Variants in TATDN2 observed in about 807,000 individuals in gnomAD.
TATDN2 encodes 3'-5' RNA nuclease TATDN2.
Under a neutral mutation model 60.3 loss-of-function variants are expected in TATDN2, and 44 were observed. That is an observed-to-expected ratio of 0.73 (90% CI 0.57 to 0.94). The LOEUF is 0.94. Ranked by LOEUF, TATDN2 falls within the 40% of genes least tolerant of loss-of-function variation. TATDN2 has a pLI of 0.00. For synonymous variants in TATDN2, 399 were observed against 355.8 expected, an observed-to-expected ratio of 1.12 and a Z score of -1.37; for missense variants, 997 against 948.0, an observed-to-expected ratio of 1.05 and a Z score of -0.68.
intron 3 of TATDN2, among the ~76,000 whole-genome samples, chr3:10,261,621 G>A (rs1363616874): frequency 6.6e-6 from 1 of 152,082 alleles, no homozygotes; most frequent in East Asian, 1.9e-4. Flanking sequence ...ACCTGCCTTG[G>A]CCTCCCAAAG....
chr3:10,255,175 A>C (rs1399962484), intron 2 of TATDN2, among the ~76,000 whole-genome samples: 1 of 151,198 alleles, frequency 6.6e-6, no homozygotes, highest in African/African-American at 2.4e-5. Flanking sequence ...ATGCCCAGCT[A>C]ATTTTTCTGT....
At chr3:10,259,409 C>T (rs1014810657) in intron 2 of TATDN2, among the ~76,000 whole-genome samples, 4 of 152,290 alleles carry the variant, frequency 2.6e-5, no homozygotes, top group African/African-American at 9.6e-5. Context: ...TTCTTACACC[C>T]GGCAGGGATT....
rs2241311 is a variant in TATDN2 at position 10,254,662 on chromosome 3, A to G, written c.414+5048A>G. On this transcript the variant is annotated intron_variant, in intron 2 of 7. Transcript: ENST00000448281. ...AGCTCCTCTGGCACGCTGCAGAGAA[A>G]GGGTAGGAGGGAGAAGACAGGGAGC... is the stretch of plus-strand genomic sequence containing the variant. Among the ~76,000 whole-genome samples, 76 of 152,296 alleles carry G rather than the reference A, an allele frequency of 5.0e-4. 2 individuals are homozygous for G. The East Asian group carries it at 0.014, about 29-fold the overall frequency.
chr3:10,266,634 G>T (rs1024525679), intron 3 of TATDN2, among the ~76,000 whole-genome samples: 14 of 152,208 alleles, frequency 9.2e-5, no homozygotes, highest in African/African-American at 3.4e-4. Flanking sequence ...CTCTGTTGCA[G>T]CTTTTCAACT....
Position 10,278,761 on chromosome 3 carries a change from G to A in TATDN2, c.2146-124G>A. The A allele has an allele frequency of 6.9e-7, 1 of 1,451,676 alleles. No individual in the cohort carries two copies. Among genetic ancestry groups the A allele is most frequent in the South Asian group, 1.2e-5 (1 of 83,944 alleles). 89.9% of individuals were successfully genotyped at this position (1,451,676 alleles called of 1,614,324 possible). On this transcript the variant is annotated intron_variant, in intron 6 of 7. Transcript: ENST00000448281. The surrounding 1 kb of genome is among the most constrained non-coding windows in gnomAD (Gnocchi z 4.7). Reference sequence around the variant, plus strand: ...ACTAGGACTCTCCCTGCACCTGCAGGTAAAGGGGTCTCTACAGGGCAGCCC... The same window carrying A: ...ACTAGGACTCTCCCTGCACCTGCAGATAAAGGGGTCTCTACAGGGCAGCCC...
At chr3:10,263,832 C>T (rs371845929) in intron 3 of TATDN2, among the ~76,000 whole-genome samples, 19 of 152,296 alleles carry the variant, frequency 1.2e-4, no homozygotes, top group Admixed American at 2.6e-4. Context: ...AAGCTCTGAG[C>T]GTAAAGACTT....
chr3:10,270,207 T>A lies in TATDN2; in HGVS notation c.1025T>A (p.Val342Asp). The A allele has an allele frequency of 6.2e-7, 1 of 1,614,176 alleles. No individual in the cohort carries two copies. The change falls in exon 4 of 8, where the codon GTC (valine) becomes GAC (aspartate). Residue 342 changes from valine (V) to aspartate (D), a missense_variant. Val to Asp is a radical substitution (Grantham distance 152, BLOSUM62 -3). Transcript: ENST00000448281. ...DWSDVEEISTVRFSQEEPVSL... is the reference protein window; with the variant it reads ...DWSDVEEISTDRFSQEEPVSL... Reference sequence around the variant, plus strand: ...TCTGATGTTGAGGAGATCTCCACAGTCAGATTCTCTCAGGAGGAACCTGTC... The same window carrying A: ...TCTGATGTTGAGGAGATCTCCACAGACAGATTCTCTCAGGAGGAACCTGTC...
Position 10,270,618 on chromosome 3 carries a change from C to T in TATDN2, c.1436C>T (p.Ser479Phe). The T allele has an allele frequency of 6.2e-7, 1 of 1,614,216 alleles. No homozygotes were observed. The highest frequency in any genetic ancestry group is 8.5e-7 in the Non-Finnish European group (1 of 1,180,040). Reference sequence around the variant, plus strand: ...CCGCGTCCTTGTGGAGGACACGCATCCAGCTCCCTGCCAAAGAGCCACCTG... The same window carrying T: ...CCGCGTCCTTGTGGAGGACACGCATTCAGCTCCCTGCCAAAGAGCCACCTG... ...MPPRPCGGHA[S>F]SSLPKSHLEP... The change falls in exon 4 of 8, where the codon TCC becomes TTC. Residue 479 changes from serine (S) to phenylalanine (F), a missense_variant. Transcript: ENST00000448281.
In TATDN2 at chr3:10,279,043, C is replaced by T. The variant is rs1357930825; in HGVS notation, c.*18C>T. ...GTCTTTAAGCAGAGAAGGTACAGTC[C>T]TCGGGAGTCTCCTAGAAAAGGTCGT... On this transcript the variant is annotated 3_prime_UTR_variant, in exon 7 of 8. Coordinates refer to ENST00000448281, the MANE Select transcript of TATDN2 (RefSeq NM_014760.4). The T allele has an allele frequency of 6.2e-7, 1 of 1,609,604 alleles. No homozygotes were observed. The highest frequency in any genetic ancestry group is 1.7e-5 in the Admixed American group (1 of 58,720).
At chr3:10,251,741 C>T (rs554736722) in intron 2 of TATDN2, among the ~76,000 whole-genome samples, 1 of 152,040 alleles carries the variant, frequency 6.6e-6, no homozygotes, top group African/African-American at 2.4e-5. Flanking sequence ...ATTTCCCAGG[C>T]TGAAGTGCAG....
At chr3:10,262,431 C>T (rs1037931292) in intron 3 of TATDN2, among the ~76,000 whole-genome samples, 1 of 151,734 alleles carries the variant, frequency 6.6e-6, no homozygotes. Context: ...CTTTATTTTA[C>T]CTTTAACCTT....
rs1185675304 is a variant in TATDN2, at chr3:10,270,199, C to T, written c.1017C>T (p.Ile339=). The part of the protein sequence containing the change: ...SGSDWSDVEE[I]STVRFSQEEP... ...GTGACTGGTCTGATGTTGAGGAGAT[C>T]TCCACAGTCAGATTCTCTCAGGAGG... is the stretch of plus-strand genomic sequence containing the variant. The change falls in exon 4 of 8, where the codon ATC becomes ATT. Residue 339 remains isoleucine (I), a synonymous_variant. Transcript: ENST00000448281. 6.2e-7 allele frequency: 1 copy of T among 1,614,208 alleles called. No homozygotes were observed. The highest frequency in any genetic ancestry group is 1.7e-5 in the Admixed American group (1 of 60,030).
At chr3:10,256,467 C>T (rs990664580) in intron 2 of TATDN2, among the ~76,000 whole-genome samples, 1 of 151,306 alleles carries the variant, frequency 6.6e-6, no homozygotes, top group Admixed American at 6.6e-5. Context: ...TGAGCCACCA[C>T]ACCCAGCCTT....
chr3:10,279,104 A>T, intron 7 of TATDN2, 41 bp downstream of exon 7: 12 of 1,535,142 alleles, frequency 7.8e-6, no homozygotes, highest in Non-Finnish European at 1.1e-5. Flanking sequence ...AAACCAGGAC[A>T]AGTCTTTTGT....
intron 2 of TATDN2, among the ~76,000 whole-genome samples, chr3:10,256,953 T>C (rs1027849809): frequency 6.6e-6 from 1 of 151,744 alleles, no homozygotes; most frequent in Middle Eastern, 3.4e-3. Flanking sequence ...GGCTGGGAAG[T>C]TGGGGCTGTG....
intron 3 of TATDN2, among the ~76,000 whole-genome samples, chr3:10,262,186 C>G (rs534008841): frequency 1.3e-5 from 2 of 152,250 alleles, no homozygotes; most frequent in Admixed American, 6.5e-5. Context: ...GTCCTCAGCC[C>G]TCTGTTGTCC....
At chr3:10,249,107 C>T in intron 1 of TATDN2, 40 bp downstream of exon 1, 1 of 1,450,240 alleles carries the variant, frequency 6.9e-7, no homozygotes, top group African/African-American at 1.4e-5. Flanking sequence ...TTATGTCTTG[C>T]CGTCCTCCTG....
intron 4 of TATDN2, among the ~76,000 whole-genome samples, chr3:10,274,883 G>A (rs1698612420): frequency 6.6e-6 from 1 of 151,968 alleles, no homozygotes; most frequent in Non-Finnish European, 1.5e-5. Flanking sequence ...ATTACAAAAA[G>A]TATCTCATTG....
intron 2 of TATDN2, among the ~76,000 whole-genome samples, chr3:10,257,569 C>CAGTGA (rs1488895481): frequency 8.3e-6 from 1 of 120,664 alleles, no homozygotes; most frequent in African/African-American, 3.2e-5. Context: ...ACGGAGGTTG[C>CAGTGA]AGTGAGCTGA....
Sources: allele counts gnomAD v4.1 joint callset (sites outside exome capture counted in the v4.1 genomes callset), GRCh38; gene constraint gnomAD v4.1.1; non-coding constraint Gnocchi (gnomAD v3.1); transcripts MANE v1.5; gene names NCBI Gene and HGNC (gene_info 2026-07-23, HGNC 2026-07-21).